Variants in PCDHA4 observed in about 807,000 individuals in gnomAD.
PCDHA4 encodes protocadherin alpha-4.
Under a neutral mutation model 61.4 loss-of-function variants are expected in PCDHA4, and 49 were observed. The ratio of observed to expected loss-of-function variants is 0.80; its 90% CI spans 0.63 to 1.01. The LOEUF (loss-of-function observed/expected upper bound fraction) is 1.01. Ranked by LOEUF, PCDHA4 falls within the 50% of genes least tolerant of loss-of-function variation. PCDHA4 has a pLI of 0.00. For synonymous variants in PCDHA4, 590 were observed against 550.3 expected, an observed-to-expected ratio of 1.07 and a Z score of -1.01; for missense variants, 1,254 against 1,235.8, an observed-to-expected ratio of 1.01 and a Z score of -0.22.
chr5:141,008,597 C>T (rs1485271666), intron 3 of PCDHA4, among the ~76,000 whole-genome samples: 1 of 152,224 alleles, frequency 6.6e-6, no homozygotes, highest in East Asian at 1.9e-4. Flanking sequence ...GATTTCACCT[C>T]CTCTGGAACC....
At chr5:140,886,623 C>T (rs1273600111) in intron 1 of PCDHA4, among the ~76,000 whole-genome samples, 39 of 151,848 alleles carry the variant, frequency 2.6e-4, no homozygotes, top group Admixed American at 2.4e-3. Flanking sequence ...ATCAGGAGTC[C>T]GAGACCAGCC....
intron 1 of PCDHA4, chr5:140,841,424 G>A: frequency 6.2e-7 from 1 of 1,612,920 alleles, no homozygotes; most frequent in Non-Finnish European, 8.5e-7. Context: ...CCACTACTCC[G>A]TCCCCGAGGA....
intron 1 of PCDHA4, chr5:140,851,881 T>C: frequency 1.0e-6 from 1 of 977,870 alleles, no homozygotes; most frequent in Non-Finnish European, 1.2e-6. Context: ...GGCAGAAATC[T>C]GGATATGAGA....
At chr5:140,869,926 G>T in intron 1 of PCDHA4, 1 of 1,611,516 alleles carries the variant, frequency 6.2e-7, no homozygotes, top group Non-Finnish European at 8.5e-7. Flanking sequence ...AGGAGTCAAT[G>T]GAGAGGTAAC....
intron 1 of PCDHA4, chr5:140,967,726 TG>T: frequency 6.2e-7 from 1 of 1,613,974 alleles, no homozygotes; most frequent in Non-Finnish European, 8.5e-7. Flanking sequence ...TGCGAGTAAT[TG>T]GGGGGCTGGA....
At chr5:141,002,491 A>G (rs1244268735) in intron 3 of PCDHA4, among the ~76,000 whole-genome samples, 1 of 152,214 alleles carries the variant, frequency 6.6e-6, no homozygotes, top group Non-Finnish European at 1.5e-5. Flanking sequence ...TGACCTTGTT[A>G]TACAGCTCAG....
chr5:140,864,617 T>C (rs545757656), intron 1 of PCDHA4: 10 of 152,312 alleles, frequency 6.6e-5, no homozygotes, highest in African/African-American at 2.4e-4. Context: ...TTTGTTCTTT[T>C]TTAAAAAGAA....
intron 3 of PCDHA4, among the ~76,000 whole-genome samples, chr5:140,999,772 T>A (rs1186405321): frequency 6.6e-6 from 1 of 152,182 alleles, no homozygotes; most frequent in Non-Finnish European, 1.5e-5. Flanking sequence ...CTTTATACTC[T>A]TAACCTAGAA....
intron 1 of PCDHA4, chr5:140,863,282 A>T (rs782183211): frequency 6.8e-7 from 1 of 1,461,396 alleles, no homozygotes; most frequent in East Asian, 3.4e-5. Context: ...GTGGATGTCA[A>T]CGTGTACCTG....
At chr5:140,823,585 G>T in intron 1 of PCDHA4, 1 of 1,614,018 alleles carries the variant, frequency 6.2e-7, no homozygotes, top group Non-Finnish European at 8.5e-7. Flanking sequence ...GGGCTACAAC[G>T]CTTGGCTTTC....
At position 140,877,189 on chromosome 5, in the gene PCDHA4, G is replaced by C. The variant is rs370743077; in HGVS notation, c.2385+67617G>C. ...ACTGCTGGCGACTCCGGCTGGCAGC[G>C]CAGGAGGCGCAGTTAGCGAGTTGGT... On this transcript the variant is annotated intron_variant, in intron 1 of 3. Coordinates refer to ENST00000530339, the MANE Select transcript of PCDHA4 (RefSeq NM_018907.4). The C allele has an allele frequency of 5.1e-5, 82 of 1,613,690 alleles. No homozygotes were observed. Among genetic ancestry groups the C allele is most frequent in the Non-Finnish European group, 6.4e-5 (75 of 1,179,826 alleles).
Position 140,831,498 on chromosome 5 carries a change from C to A in PCDHA4, c.2385+21926C>A, listed in dbSNP as rs2150195161. Among the ~76,000 whole-genome samples the A allele has an allele frequency of 1.9e-3, 206 of 108,418 alleles. 1 individual carries two copies. Among genetic ancestry groups the A allele is most frequent in the Non-Finnish European group, 1.4e-3 (75 of 52,794 alleles). The allele number at this position is 108,418 out of a possible 152,430, so 71.1% of individuals were successfully genotyped here. ...CCTCAGCCTCTGGAGTTACTACACACGAGCACCACCATGCCCCCCACCTTT... is the reference window on the plus strand; with the variant it reads ...CCTCAGCCTCTGGAGTTACTACACAAGAGCACCACCATGCCCCCCACCTTT... On this transcript the variant is annotated intron_variant, in intron 1 of 3. Transcript: ENST00000530339.
rs139533789 is a variant in PCDHA4, at chr5:140,857,716, C to G, written c.2385+48144C>G. ...TGACGCTGCAGGTGTTCGTGCTGGA[C>G]GAGAACGACAACGCTCCCGCGCTGC... On this transcript the variant is annotated intron_variant, in intron 1 of 3. Transcript: ENST00000530339. The G allele has an allele frequency of 3.1e-6, 5 of 1,597,272 alleles. No individual in the cohort carries two copies. Among genetic ancestry groups the G allele is most frequent in the East Asian group, 2.2e-5 (1 of 44,832 alleles).
intron 1 of PCDHA4, among the ~76,000 whole-genome samples, chr5:140,937,867 G>A (rs1009502911): frequency 7.9e-5 from 12 of 151,142 alleles, no homozygotes; most frequent in African/African-American, 1.2e-4. Flanking sequence ...AGCCGAGATC[G>A]CGCCACTGCA....
chr5:140,916,227 C>T (rs1554197349), intron 1 of PCDHA4, among the ~76,000 whole-genome samples: 2 of 152,208 alleles, frequency 1.3e-5, no homozygotes, highest in African/African-American at 4.8e-5. Context: ...AATATGCTTT[C>T]CAGGAGCCAA....
chr5:140,817,798 C>G (rs1766206298), intron 1 of PCDHA4, among the ~76,000 whole-genome samples: 1 of 152,052 alleles, frequency 6.6e-6, no homozygotes, highest in Non-Finnish European at 1.5e-5. Flanking sequence ...GGTAAAGAAA[C>G]CTTTACGTTT....
chr5:140,972,235 G>A (rs1368131761), intron 1 of PCDHA4, among the ~76,000 whole-genome samples: 2 of 151,838 alleles, frequency 1.3e-5, no homozygotes, highest in African/African-American at 4.8e-5. Context: ...GACCTTCTGG[G>A]CTCAAGCAAT....
intron 1 of PCDHA4, chr5:140,884,130 C>T (rs1554181258): frequency 3.1e-6 from 5 of 1,613,434 alleles, no homozygotes; most frequent in Non-Finnish European, 3.4e-6. Flanking sequence ...GCGCGCATCC[C>T]GTTCCGCGTG....
In PCDHA4 at chr5:140,822,413, C is replaced by T. The variant is rs1156477485; in HGVS notation, c.2385+12841C>T. 3 of 1,613,914 alleles carry T rather than the reference C, an allele frequency of 1.9e-6. No homozygotes were observed. The African/African-American group carries it at 4.0e-5, about 22-fold the overall frequency. The stretch of plus-strand genomic sequence containing the variant: ...CAAGAACACCGTTTATTAGTGATTG[C>T]AACTGATGGAGGAAAACCCGAACTA... On this transcript the variant is annotated intron_variant, in intron 1 of 3. Transcript: ENST00000530339.
Sources: gnomAD v4.1 joint callset for allele counts (sites outside exome capture counted in the v4.1 genomes callset) on GRCh38, gnomAD v4.1.1 for gene constraint, MANE v1.5 for transcripts, NCBI Gene and HGNC (gene_info 2026-07-23, HGNC 2026-07-21) for gene names.